Variants in CACNA1C observed in about 807,000 individuals in gnomAD.
CACNA1C encodes calcium voltage-gated channel subunit alpha1 C.
CACNA1C carries 30 observed loss-of-function variants against 229.0 expected under a neutral mutation model. The ratio of observed to expected loss-of-function variants is 0.13; its 90% CI spans 0.10 to 0.18. CACNA1C has a LOEUF of 0.18. Among genes scored for constraint, CACNA1C ranks in the 10% least tolerant of loss-of-function variants. The pLI is 1.00. For synonymous variants in CACNA1C, 1,114 were observed against 1,132.5 expected, an observed-to-expected ratio of 0.98 and a Z score of 0.33; for missense variants, 1,658 against 2,845.0, an observed-to-expected ratio of 0.58 and a Z score of 9.49.
intron 18 of CACNA1C, among the ~76,000 whole-genome samples, chr12:2,589,178 CTTG>C (rs1387036410): frequency 1.3e-5 from 2 of 152,152 alleles, no homozygotes; most frequent in Non-Finnish European, 2.9e-5. Flanking sequence ...CATGGGGGTC[CTTG>C]TTGTGGGCAA....
chr12:2,337,479 G>A (rs1348043989), intron 3 of CACNA1C, among the ~76,000 whole-genome samples: 4 of 152,168 alleles, frequency 2.6e-5, no homozygotes, highest in Non-Finnish European at 5.9e-5. Flanking sequence ...GGATAGTTGT[G>A]TTTTTCGCTG....
At chr12:2,412,655 C>CT (rs1567536826) in intron 3 of CACNA1C, among the ~76,000 whole-genome samples, 1 of 152,050 alleles carries the variant, frequency 6.6e-6, no homozygotes, top group African/African-American at 2.4e-5. Context: ...AATCATCTCA[C>CT]TTTTTTTTGA....
chr12:2,441,133 C>A (rs1032224707), intron 3 of CACNA1C, among the ~76,000 whole-genome samples: 7 of 152,176 alleles, frequency 4.6e-5, no homozygotes, highest in African/African-American at 1.7e-4. Context: ...CATAACTGGG[C>A]TTCTCATCAA....
At chr12:2,478,089 G>A (rs542252994) in intron 5 of CACNA1C, among the ~76,000 whole-genome samples, 2 of 152,226 alleles carry the variant, frequency 1.3e-5, no homozygotes, top group Non-Finnish European at 2.9e-5. Context: ...CACACAAAGG[G>A]CAGAAGACTA....
chr12:2,372,380 C>T (rs909809002), intron 3 of CACNA1C, among the ~76,000 whole-genome samples: 11 of 152,142 alleles, frequency 7.2e-5, no homozygotes, highest in African/African-American at 2.4e-4. Context: ...CCTAACACAC[C>T]GGAGTCTGTT....
rs943719098 is a variant in CACNA1C at position 2,486,861 on chromosome 12, C to T, written c.916+599C>T. 6.6e-6 allele frequency among the ~76,000 whole-genome samples: 1 copy of T among 152,204 alleles called. No homozygotes were observed. The highest frequency in any genetic ancestry group is 1.9e-4 in the East Asian group (1 of 5,196). ...CACCCCCTTGCCGGCAGCCAAACTT[C>T]CTCCCTTCAAGGAGAAGGCTTAGTT... is the stretch of plus-strand genomic sequence containing the variant. On this transcript the variant is annotated intron_variant, in intron 6 of 46. Transcript: ENST00000399655. This position sits in a 1 kb window ranked among gnomAD's most constrained non-coding sequence, Gnocchi z 4.9.
chr12:2,496,021 T>C (rs1006896718), intron 7 of CACNA1C, among the ~76,000 whole-genome samples: 1 of 152,176 alleles, frequency 6.6e-6, no homozygotes, highest in African/African-American at 2.4e-5. Flanking sequence ...GGCCAGTATC[T>C]CTAAAGCACA....
chr12:2,347,312 C>T (rs917342188), intron 3 of CACNA1C, among the ~76,000 whole-genome samples: 1 of 152,212 alleles, frequency 6.6e-6, no homozygotes, highest in African/African-American at 2.4e-5. Context: ...CCTGTCTTCC[C>T]GATCATACGG....
At chr12:2,193,992 A>G (rs974279761) in intron 3 of CACNA1C, among the ~76,000 whole-genome samples, 7 of 151,994 alleles carry the variant, frequency 4.6e-5, no homozygotes, top group Non-Finnish European at 1.0e-4. Flanking sequence ...TGTGAACCTC[A>G]GTGTTTATTC....
At chr12:2,159,986 T>C (rs548274099) in intron 3 of CACNA1C, among the ~76,000 whole-genome samples, 1 of 152,366 alleles carries the variant, frequency 6.6e-6, no homozygotes, top group African/African-American at 2.4e-5. Context: ...GTATCTGTTA[T>C]GTGCTGGGCA....
chr12:2,338,068 C>T (rs986110120), intron 3 of CACNA1C, among the ~76,000 whole-genome samples: 1 of 152,134 alleles, frequency 6.6e-6, no homozygotes, highest in African/African-American at 2.4e-5. Context: ...TATCCCAGGA[C>T]CCTACACTCC....
At chr12:2,444,229 G>A (rs2099255760) in intron 3 of CACNA1C, among the ~76,000 whole-genome samples, 1 of 152,232 alleles carries the variant, frequency 6.6e-6, no homozygotes. Context: ...TTGAAGGTCA[G>A]AAAGTCTGGT....
At position 2,143,214 on chromosome 12, in the gene CACNA1C, C is replaced by T. The variant is rs146060531; in HGVS notation, c.477+22784C>T. 3.9e-3 allele frequency among the ~76,000 whole-genome samples: 592 copies of T among 151,270 alleles called. 39 individuals are homozygous for T. The highest frequency in any genetic ancestry group is 6.6e-3 in the Non-Finnish European group (448 of 67,590). ...TGGTCTCGAACTCAGGTGATCCACC[C>T]GCTTTGGCCTCCCAAAGTGCTGGGA... On this transcript the variant is annotated intron_variant, in intron 3 of 46. Transcript: ENST00000399655.
chr12:2,074,769 C>T (rs546905260), intron 1 of CACNA1C, among the ~76,000 whole-genome samples: 2 of 152,172 alleles, frequency 1.3e-5, no homozygotes, highest in Non-Finnish European at 2.9e-5. Flanking sequence ...TGAAAATAGC[C>T]CATAGCCATC....
chr12:2,538,031 G>A lies in CACNA1C; in HGVS notation c.1391-11912G>A, dbSNP rs570805931. On this transcript the variant is annotated intron_variant, in intron 9 of 46. Transcript: ENST00000399655. Reference sequence around the variant, plus strand: ...TAACCAAGGCAGCCTGATAGACTCCGTGGTGCCCTAATGGTGGAGAGAGAT... The same window carrying A: ...TAACCAAGGCAGCCTGATAGACTCCATGGTGCCCTAATGGTGGAGAGAGAT... Among the ~76,000 whole-genome samples the A allele has an allele frequency of 7.2e-5, 11 of 152,040 alleles. No individual in the cohort carries two copies. The East Asian group carries it at 7.8e-4, about 11-fold the overall frequency.
At chr12:2,135,300 C>T (rs1229583172) in intron 3 of CACNA1C, among the ~76,000 whole-genome samples, 6 of 146,710 alleles carry the variant, frequency 4.1e-5, no homozygotes, top group African/African-American at 1.3e-4. Flanking sequence ...GCCTTCTTCT[C>T]TCAGCTCGTC....
chr12:2,055,095 C>T (rs547316466), intron 1 of CACNA1C, among the ~76,000 whole-genome samples: 50 of 152,340 alleles, frequency 3.3e-4, no homozygotes, highest in African/African-American at 1.2e-3. Context: ...AGAATCTTGT[C>T]AAGGGTCATG....
chr12:2,489,096 A>AT (rs542711347), intron 6 of CACNA1C, among the ~76,000 whole-genome samples: 2 of 152,098 alleles, frequency 1.3e-5, no homozygotes, highest in African/African-American at 4.8e-5. Context: ...GGGTGGTTTA[A>AT]TTTTTTTCTT....
rs112650815 is a variant in CACNA1C at position 2,679,249 on chromosome 12, C to T, written c.5092-195C>T. ...AGTCCAGAGCCTTGAGACTCCGGGT[C>T]CCTCCCTCTCTGGAGCAGCCAGGCA... On this transcript the variant is annotated intron_variant, in intron 41 of 46. Transcript: ENST00000399655. The surrounding 1 kb of genome is among the most constrained non-coding windows in gnomAD (Gnocchi z 5.5). Among the ~76,000 whole-genome samples the T allele has an allele frequency of 1.0e-3, 158 of 152,340 alleles. No individual in the cohort carries two copies. The highest frequency in any genetic ancestry group is 6.8e-3 in the Middle Eastern group (2 of 294).
Sources: allele counts gnomAD v4.1 joint callset (sites outside exome capture counted in the v4.1 genomes callset), GRCh38; gene constraint gnomAD v4.1.1; non-coding constraint Gnocchi (gnomAD v3.1); transcripts MANE v1.5; gene names NCBI Gene and HGNC (gene_info 2026-07-23, HGNC 2026-07-21).